The following DNAH3 variants were observed in gnomAD, a reference collection of about 807,000 sequenced individuals.
DNAH3 encodes dynein axonemal heavy chain 3.
DNAH3 carries 332 observed loss-of-function variants against 432.5 expected under a neutral mutation model. The observed-to-expected ratio is 0.77, with a 90% CI of 0.70 to 0.84. The LOEUF is 0.84. Among genes scored for constraint, DNAH3 ranks in the 40% least tolerant of loss-of-function variants. DNAH3 has a pLI of 0.00. For synonymous variants in DNAH3, 1,956 were observed against 1,900.2 expected (o/e 1.03, Z -0.76); for missense variants, 4,861 against 5,114.0 (o/e 0.95, Z 1.51).
chr16:20,993,511 A>C (rs570374883), intron 44 of DNAH3, among the ~76,000 whole-genome samples: 50 of 152,202 alleles, frequency 3.3e-4, no homozygotes, highest in African/African-American at 1.2e-3. Context: ...TTGAAGATTA[A>C]TTTTTCTGGC....
chr16:20,964,704 G>A (rs111755883), exon 53 of DNAH3: 29 of 1,613,998 alleles, frequency 1.8e-5, no homozygotes, highest in Middle Eastern at 1.6e-4. Flanking sequence ...AGGAGTCAAC[G>A]GGAAGCCCAG....
chr16:20,963,981 A>G (rs3743697), exon 53 of DNAH3: 145,489 of 1,614,026 alleles, frequency 0.09, 7,610 homozygotes, highest in East Asian at 0.17. Context: ...AGATGGTGGC[A>G]GAATGCACAG....
chr16:21,111,838 G>T (rs370997334), intron 13 of DNAH3, 34 bp from the exon 14 acceptor site: 25 of 1,603,268 alleles, frequency 1.6e-5, no homozygotes, highest in Non-Finnish European at 2.1e-5. Flanking sequence ...AGCTTGATTT[G>T]CCCTTGAGCC....
At chr16:21,027,187 A>T in intron 37 of DNAH3, 60 bp from the exon 38 acceptor site, 1 of 1,238,886 alleles carries the variant, frequency 8.1e-7, no homozygotes. Context: ...ATCTGCAAGT[A>T]AGAGGTCTCA....
chr16:21,047,582 T>G (rs1487554107), intron 31 of DNAH3, among the ~76,000 whole-genome samples: 2 of 149,688 alleles, frequency 1.3e-5, no homozygotes, highest in Non-Finnish European at 3.0e-5. Context: ...TTCTTCTAAA[T>G]TTTTTTCAAA....
At chr16:21,138,106 G>A (rs2092668413) in intron 5 of DNAH3, among the ~76,000 whole-genome samples, 1 of 152,010 alleles carries the variant, frequency 6.6e-6, no homozygotes, top group Non-Finnish European at 1.5e-5. Context: ...AAATCAGCCA[G>A]GTGGGGTGGT....
chr16:21,004,799 A>T (rs1287448715), intron 41 of DNAH3, among the ~76,000 whole-genome samples: 1 of 151,854 alleles, frequency 6.6e-6, no homozygotes, highest in African/African-American at 2.4e-5. Context: ...TCCTGATATC[A>T]GACCATTTCA....
chr16:21,043,248 C>T (rs1487837646), intron 31 of DNAH3, among the ~76,000 whole-genome samples: 2 of 150,608 alleles, frequency 1.3e-5, no homozygotes, highest in Non-Finnish European at 3.0e-5. Flanking sequence ...AGTCGCCACA[C>T]TGACTTCCAC....
At position 21,127,802 on chromosome 16, in the gene DNAH3, G is replaced by T. The variant is rs148975509; in HGVS notation, c.1093C>A (p.Leu365Ile). ...ATTTCTGCTGTTCGAACAAACCTGA[G>T]GTCTCTGAATCTGCCAAAAGAGAGG... The change falls in exon 8 of 62, where the codon CTC (leucine) becomes ATC (isoleucine). Residue 365 changes from leucine (L) to isoleucine (I), a missense_variant. Coordinates refer to ENST00000261383, the Ensembl canonical transcript of DNAH3. The T allele has an allele frequency of 1.9e-6, 3 of 1,614,010 alleles. No individual in the cohort carries two copies. In the African/African-American group the frequency reaches 4.0e-5, roughly 22 times the overall value.
chr16:21,134,303 C>T (rs138812210), exon 7 of DNAH3: 123 of 1,613,970 alleles, frequency 7.6e-5, no homozygotes, highest in Non-Finnish European at 9.2e-5. Flanking sequence ...TGGGGTTCAC[C>T]GTGTGCAGAT....
chr16:21,156,937 C>T lies in DNAH3; in HGVS notation c.117+2388G>A, dbSNP rs1402607942. 7.0e-5 allele frequency among the ~76,000 whole-genome samples: 3 copies of T among 43,132 alleles called. No individual in the cohort carries two copies. In the East Asian group the frequency reaches 5.9e-3, roughly 85 times the overall value. The allele number at this position is 43,132 out of a possible 152,430, so 28.3% of individuals were successfully genotyped here. A position where few individuals can be genotyped will look rare whatever the true frequency, so the allele number is the denominator to read the frequency against. ...AAAAATCCCAGTGGAAACCCTAACT[C>T]AGCTTTCCAAAGCAACTTCCATTTA... On this transcript the variant is annotated intron_variant, in intron 1 of 61. Transcript: ENST00000261383.
intron 27 of DNAH3, among the ~76,000 whole-genome samples, chr16:21,055,900 C>T (rs577322493): frequency 3.9e-5 from 6 of 152,208 alleles, no homozygotes; most frequent in African/African-American, 1.4e-4. Context: ...CACACACCAT[C>T]ACTCCTGGCT....
intron 41 of DNAH3, among the ~76,000 whole-genome samples, chr16:21,007,872 T>C (rs751062824): frequency 1.3e-5 from 2 of 152,234 alleles, no homozygotes; most frequent in Non-Finnish European, 2.9e-5. Context: ...AGTTAATTTT[T>C]CACTATAGTG....
rs35011784 is a variant in DNAH3, at chr16:21,120,105, CTTTTTT to C, written c.1699+629_1699+634del. Among the ~76,000 whole-genome samples the C allele has an allele frequency of 5.4e-4, 69 of 128,582 alleles. 1 individual carries two copies. The highest frequency in any genetic ancestry group is 3.9e-3 in the Middle Eastern group (1 of 256). The allele number at this position is 128,582 out of a possible 152,430, so 84.4% of individuals were successfully genotyped here. A position where few individuals can be genotyped will look rare whatever the true frequency, so the allele number is the denominator to read the frequency against. ...TCTCTTGTTAGCTTTTCCCTACCAA[CTTTTTT>C]TTTTTTTTTTTTGACAGAGTCTCAC... On this transcript the variant is annotated intron_variant, in intron 11 of 61. Coordinates refer to ENST00000261383, the Ensembl canonical transcript of DNAH3.
At chr16:21,009,593 A>G (rs2087479815) in intron 41 of DNAH3, among the ~76,000 whole-genome samples, 1 of 152,174 alleles carries the variant, frequency 6.6e-6, no homozygotes, top group Admixed American at 6.5e-5. Flanking sequence ...ATGAGAAAAG[A>G]TTTGGCTGGG....
In DNAH3 at chr16:21,101,109, C is replaced by A. The variant is rs185237662; in HGVS notation, c.2367-2340G>T. On this transcript the variant is annotated intron_variant, in intron 16 of 61. Coordinates refer to ENST00000261383, the Ensembl canonical transcript of DNAH3. ...TTGAAAATTCATTTAATACACCTAA[C>A]CTACTGAACATCAGAGCTTAGCCTA... is the stretch of plus-strand genomic sequence containing the variant. Among the ~76,000 whole-genome samples, 380 of 152,250 alleles carry A rather than the reference C, an allele frequency of 2.5e-3. 7 individuals are homozygous for A. Among genetic ancestry groups the A allele is most frequent in the South Asian group, 2.7e-3 (13 of 4,824 alleles).
intron 24 of DNAH3, 115 bp from the exon 25 acceptor site, chr16:21,062,798 G>A (rs1278777399): frequency 1.6e-5 from 12 of 756,474 alleles, no homozygotes; most frequent in East Asian, 5.4e-5. Flanking sequence ...TATGTCTTGC[G>A]GTCTTCACAA....
chr16:20,987,723 C>T lies in DNAH3; in HGVS notation c.6852G>A (p.Gly2284=), dbSNP rs753893566. The T allele has an allele frequency of 4.3e-6, 7 of 1,614,010 alleles. No homozygotes were observed. The South Asian group carries it at 6.6e-5, about 15-fold the overall frequency. ...GGTGTGTGTGAGGGCACAGCAGGAC[C>T]CCTTGAATCACTCGTGAGAAGTCCC... Residue 2284 remains glycine, a synonymous_variant, in exon 46 of 62, where the codon GGG becomes GGA. Coordinates refer to ENST00000261383, the Ensembl canonical transcript of DNAH3.
intron 27 of DNAH3, among the ~76,000 whole-genome samples, chr16:21,057,793 G>C (rs1192306730): frequency 7.2e-5 from 11 of 152,080 alleles, no homozygotes; most frequent in Admixed American, 7.2e-4. Flanking sequence ...GGTCTCCCCT[G>C]GTGGAAATTC....
Sources: gnomAD v4.1 joint callset for allele counts (sites outside exome capture counted in the v4.1 genomes callset) on GRCh38, gnomAD v4.1.1 for gene constraint, MANE v1.5 for transcripts, NCBI Gene and HGNC (gene_info 2026-07-23, HGNC 2026-07-21) for gene names.